Variants in TECPR2 observed in about 807,000 individuals in gnomAD.
TECPR2 encodes tectonin beta-propeller repeat-containing protein 2.
In TECPR2, 65 loss-of-function variants were observed where a neutral mutation model predicts 138.1. That is an observed-to-expected ratio of 0.47 (90% CI 0.39 to 0.58). TECPR2 has a LOEUF of 0.58. Among genes scored for constraint, TECPR2 ranks in the 20% least tolerant of loss-of-function variants. The probability of loss-of-function intolerance (pLI) is 0.00; values close to 1 mark genes in which losing one functional copy is unlikely to be tolerated. For missense variants in TECPR2, 1,553 were observed against 1,824.5 expected (o/e 0.85, Z 2.71); for synonymous variants, 746 against 749.8 (o/e 0.99, Z 0.08).
intron 13 of TECPR2, among the ~76,000 whole-genome samples, chr14:102,447,726 G>A (rs190194075): frequency 6.6e-6 from 1 of 152,212 alleles, no homozygotes; most frequent in African/African-American, 2.4e-5. Context: ...GTAGAGACAG[G>A]GTTTCACCAT....
At chr14:102,363,852 C>A (rs1487688804) in intron 1 of TECPR2, among the ~76,000 whole-genome samples, 2 of 152,310 alleles carry the variant, frequency 1.3e-5, no homozygotes, top group African/African-American at 2.4e-5. Flanking sequence ...CGGTGCCTGC[C>A]GCTGTACATT....
intron 6 of TECPR2, among the ~76,000 whole-genome samples, chr14:102,425,520 G>T (rs894891222): frequency 3.9e-4 from 59 of 152,118 alleles, no homozygotes; most frequent in Admixed American, 2.1e-3. Context: ...GCCGAGAAAT[G>T]ATGTATGTTT....
chr14:102,428,355 A>G lies in TECPR2; in HGVS notation c.1057A>G (p.Ser353Gly). ...KGDRNIIRIS[S>G]RPEGLTSTVR... Reference sequence around the variant, plus strand: ...AGATAGGAACATTATAAGAATTTCAAGCAGGCCTGAAGGATTAACATCAAC... The same window carrying G: ...AGATAGGAACATTATAAGAATTTCAGGCAGGCCTGAAGGATTAACATCAAC... Residue 353 changes from serine to glycine, a missense_variant, in exon 7 of 20, where the codon AGC becomes GGC. Physicochemically the swap from Ser to Gly is moderately conservative, Grantham distance 56. Transcript: ENST00000359520. 6.2e-7 allele frequency: 1 copy of G among 1,609,650 alleles called. No homozygotes were observed. Among genetic ancestry groups the G allele is most frequent in the Non-Finnish European group, 8.5e-7 (1 of 1,178,850 alleles).
chr14:102,439,638 CTG>C (rs1889776027), intron 10 of TECPR2, among the ~76,000 whole-genome samples: 2 of 152,216 alleles, frequency 1.3e-5, no homozygotes, highest in Admixed American at 1.3e-4. Flanking sequence ...AGCGGGAACT[CTG>C]TATCTCCATG....
At chr14:102,491,799 G>A (rs1891165862) in intron 17 of TECPR2, among the ~76,000 whole-genome samples, 1 of 152,204 alleles carries the variant, frequency 6.6e-6, no homozygotes, top group Non-Finnish European at 1.5e-5. Context: ...GTATGGCATT[G>A]GTTTGTCCGG....
intron 15 of TECPR2, 115 bp downstream of exon 15, chr14:102,450,764 C>A (rs901991854): frequency 7.8e-6 from 8 of 1,021,626 alleles, no homozygotes; most frequent in South Asian, 1.4e-5. Context: ...CGGAGACTGA[C>A]CACGTGAGGG....
rs111699279 is a variant in TECPR2, at chr14:102,380,436, C to T, written c.219+3496C>T. ...AAGAGGTTTTATTGACTCACAGTTA[C>T]GCATGGCTGCGGAGGCCTCAGGAAA... is the stretch of plus-strand genomic sequence containing the variant. On this transcript the variant is annotated intron_variant, in intron 2 of 19. Coordinates refer to ENST00000359520, the MANE Select transcript of TECPR2 (RefSeq NM_014844.5). Among the ~76,000 whole-genome samples the T allele has an allele frequency of 8.8e-3, 1,338 of 152,308 alleles. 23 individuals carry two copies. Among genetic ancestry groups the T allele is most frequent in the African/African-American group, 0.03 (1,257 of 41,566 alleles).
chr14:102,454,337 G>A (rs1890225738), intron 16 of TECPR2, among the ~76,000 whole-genome samples: 1 of 152,258 alleles, frequency 6.6e-6, no homozygotes, highest in East Asian at 1.9e-4. Flanking sequence ...GCTCCTACAG[G>A]GTGCTGAGTA....
chr14:102,431,932 G>T lies in TECPR2; in HGVS notation c.1221G>T (p.Arg407Ser). 1.2e-6 allele frequency: 2 copies of T among 1,612,428 alleles called. No homozygotes were observed. Among genetic ancestry groups the T allele is most frequent in the South Asian group, 1.1e-5 (1 of 91,056 alleles). Reference sequence around the variant, plus strand: ...CCAGCTCCGTGGCCAGCGAGCCAAGGAGCAGGAGCAGCTCGCTCAACTCCA... The same window carrying T: ...CCAGCTCCGTGGCCAGCGAGCCAAGTAGCAGGAGCAGCTCGCTCAACTCCA... Reference protein sequence around the residue: ...SMASSVASEPRSRSSSLNSTD... With the variant: ...SMASSVASEPSSRSSSLNSTD... Residue 407 changes from arginine (R) to serine (S), a missense_variant, in exon 8 of 20, where the codon AGG becomes AGT. Arg to Ser is a moderately radical substitution (Grantham distance 110, BLOSUM62 -1). Coordinates refer to ENST00000359520, the MANE Select transcript of TECPR2 (RefSeq NM_014844.5).
At chr14:102,483,796 T>C (rs1322176179) in intron 17 of TECPR2, among the ~76,000 whole-genome samples, 16 of 143,154 alleles carry the variant, frequency 1.1e-4, no homozygotes, top group African/African-American at 3.4e-4. Context: ...CTTTTCTTTT[T>C]TTTTTTTTTT....
intron 16 of TECPR2, among the ~76,000 whole-genome samples, chr14:102,455,110 A>C (rs3825564): frequency 0.027 from 4,156 of 152,164 alleles, 78 homozygotes; most frequent in Middle Eastern, 0.088. Flanking sequence ...AGTGTGAGGG[A>C]AACAGGAACA....
intron 7 of TECPR2, among the ~76,000 whole-genome samples, chr14:102,429,062 G>T (rs1326686445): frequency 6.6e-6 from 1 of 152,138 alleles, no homozygotes. Flanking sequence ...GGTCAGGCAG[G>T]TCTCAAACTC....
At chr14:102,369,974 C>G (rs887612354) in intron 1 of TECPR2, among the ~76,000 whole-genome samples, 12 of 151,896 alleles carry the variant, frequency 7.9e-5, no homozygotes, top group African/African-American at 2.9e-4. Flanking sequence ...AATAAACAAA[C>G]AAGCAAACAA....
rs752749670 is a variant in TECPR2, at chr14:102,438,187, G to A, written c.2560G>A (p.Val854Met). 16 of 1,608,076 alleles carry A rather than the reference G, an allele frequency of 9.9e-6. No homozygotes were observed. Among genetic ancestry groups the A allele is most frequent in the Non-Finnish European group, 1.4e-5 (16 of 1,179,148 alleles). ...GAAGTTTGAAGATGCTGTCCAGCAGGTGGCAGTCTCGCCCTCAGGTTCGCC... is the reference window on the plus strand; with the variant it reads ...GAAGTTTGAAGATGCTGTCCAGCAGATGGCAGTCTCGCCCTCAGGTTCGCC... Reference protein sequence around the residue: ...WQKFEDAVQQVAVSPSGALLW... With the variant: ...WQKFEDAVQQMAVSPSGALLW... The change falls in exon 10 of 20, where the codon GTG becomes ATG. Residue 854 changes from valine to methionine, a missense_variant. Val to Met is a conservative substitution (Grantham distance 21, BLOSUM62 1). Coordinates refer to ENST00000359520, the MANE Select transcript of TECPR2 (RefSeq NM_014844.5).
In TECPR2 at chr14:102,497,668, C is replaced by G. The variant is rs763133422; in HGVS notation, c.4030C>G (p.Pro1344Ala). The G allele has an allele frequency of 3.7e-6, 6 of 1,609,024 alleles. No individual in the cohort carries two copies. The highest frequency in any genetic ancestry group is 1.7e-5 in the Admixed American group (1 of 59,612). ...ARRYGVTDKN[P>A]AGDYWKKIPG... ...GCGGTACGGCGTCACAGACAAGAAC[C>G]CCGCCGGGGACTACTGGAAGAAAAT... Residue 1344 changes from proline (P) to alanine (A), a missense_variant, in exon 19 of 20, where the codon CCC (proline) becomes GCC (alanine). By Grantham distance (27) the Pro-to-Ala change is conservative. Transcript: ENST00000359520.
At chr14:102,386,327 G>A (rs562150355) in intron 2 of TECPR2, among the ~76,000 whole-genome samples, 9 of 151,840 alleles carry the variant, frequency 5.9e-5, no homozygotes, top group East Asian at 3.9e-4. Context: ...AAAATTACCC[G>A]GGTGTGGTGG....
At chr14:102,475,710 C>T (rs1890743153) in intron 17 of TECPR2, among the ~76,000 whole-genome samples, 2 of 152,018 alleles carry the variant, frequency 1.3e-5, no homozygotes, top group African/African-American at 4.8e-5. Context: ...TTCACATGGG[C>T]AACCAATTAA....
chr14:102,416,808 ACCT>A (rs1016663257), intron 5 of TECPR2, among the ~76,000 whole-genome samples: 6 of 152,016 alleles, frequency 3.9e-5, no homozygotes, highest in Non-Finnish European at 8.8e-5. Context: ...ACATGGTGAA[ACCT>A]CCTCTCTACT....
chr14:102,474,510 G>C (rs1890714889), intron 17 of TECPR2, among the ~76,000 whole-genome samples: 1 of 152,090 alleles, frequency 6.6e-6, no homozygotes, highest in Admixed American at 6.5e-5. Context: ...TGTAATCCCA[G>C]CTACTCAGGA....
Sources: allele counts gnomAD v4.1 joint callset (sites outside exome capture counted in the v4.1 genomes callset), GRCh38; gene constraint gnomAD v4.1.1; transcripts MANE v1.5; gene names NCBI Gene and HGNC (gene_info 2026-07-23, HGNC 2026-07-21).